Variants in NDRG4 observed in about 807,000 individuals in gnomAD.
NDRG4 encodes NDRG family member 4, also known as protein NDRG4.
NDRG4 carries 38 observed loss-of-function variants against 55.8 expected under a neutral mutation model. The ratio of observed to expected loss-of-function variants is 0.68; its 90% CI spans 0.53 to 0.89. The LOEUF (loss-of-function observed/expected upper bound fraction) is 0.89, where lower values mean the gene tolerates loss of function less well. NDRG4 is among the 40% of genes least tolerant of loss of function. The pLI, the probability that NDRG4 is intolerant of heterozygous loss-of-function variation, is 0.00. For synonymous variants in NDRG4, 190 were observed against 182.7 expected, an observed-to-expected ratio of 1.04 and a Z score of -0.32; for missense variants, 455 against 468.6, an observed-to-expected ratio of 0.97 and a Z score of 0.27.
intron 5 of NDRG4, 128 bp downstream of exon 5, chr16:58,504,777 T>C: frequency 1.1e-6 from 1 of 917,206 alleles, no homozygotes; most frequent in Non-Finnish European, 1.7e-6. Context: ...TCCTCCCACC[T>C]CCTCTTTATG....
Position 58,511,938 on chromosome 16 carries a change from G to A in NDRG4, c.*362G>A. On this transcript the variant is annotated 3_prime_UTR_variant, in exon 15 of 15. Coordinates refer to ENST00000570248, the MANE Select transcript of NDRG4 (RefSeq NM_001242835.2). ...TTGGAGATGAGAGAGGCTTCGAGAG[G>A]GTGGGTGCTGGGCCACAGGGGTGCG... The A allele has an allele frequency of 2.2e-6, 1 of 452,520 alleles. No individual in the cohort carries two copies. The highest frequency in any genetic ancestry group is 4.4e-6 in the Non-Finnish European group (1 of 229,144). 28.0% of individuals were successfully genotyped at this position (452,520 alleles called of 1,614,324 possible).
upstream of NDRG4, chr16:58,500,089 T>C (rs777638467): frequency 1.0e-5 from 15 of 1,506,090 alleles, no homozygotes; most frequent in African/African-American, 2.8e-5. Flanking sequence ...GAGGAGGGGC[T>C]AGCTAGGCTG....
chr16:58,470,164 T>C (rs577713696), intron 1 of NDRG4, among the ~76,000 whole-genome samples: 2 of 152,354 alleles, frequency 1.3e-5, no homozygotes, highest in South Asian at 2.1e-4. Context: ...ATGTGTCTTA[T>C]AAGAAATTCA....
downstream of NDRG4, among the ~76,000 whole-genome samples, chr16:58,514,573 CTAAAAA>C (rs1188546794): frequency 1.3e-5 from 2 of 151,932 alleles, no homozygotes. Flanking sequence ...CCCGACTCTA[CTAAAAA>C]TAAACACAAA....
intron 1 of NDRG4, among the ~76,000 whole-genome samples, chr16:58,475,933 G>C (rs1439183035): frequency 6.6e-6 from 1 of 152,140 alleles, no homozygotes; most frequent in African/African-American, 2.4e-5. Flanking sequence ...AATAGCTGGG[G>C]TTACAGGTGC....
At chr16:58,508,272 C>T (rs2038314158) in intron 10 of NDRG4, among the ~76,000 whole-genome samples, 2 of 152,236 alleles carry the variant, frequency 1.3e-5, no homozygotes, top group African/African-American at 2.4e-5. Flanking sequence ...AGCAGCACAG[C>T]CCCAACTTGG....
intron 1 of NDRG4, among the ~76,000 whole-genome samples, chr16:58,484,132 G>A (rs570468071): frequency 3.3e-5 from 5 of 152,214 alleles, no homozygotes; most frequent in African/African-American, 1.2e-4. Flanking sequence ...CACTTTGGGA[G>A]GCTAAGGCAG....
Position 58,500,214 on chromosome 16 carries a change from C to T in NDRG4, c.-35C>T, listed in dbSNP as rs1417657707. The T allele has an allele frequency of 6.5e-7, 1 of 1,536,136 alleles. No homozygotes were observed. Among genetic ancestry groups the T allele is most frequent in the Non-Finnish European group, 8.7e-7 (1 of 1,146,890 alleles). ...CGAGTGACTCAGGCCTTTGTTTGTC[C>T]TTCCTGGTAGAGGCGGGTTCCCTCC... On this transcript the variant is annotated 5_prime_UTR_variant, in exon 1 of 15. Transcript: ENST00000570248.
At chr16:58,509,927 TACACACACACAG>T (rs1335496967) in intron 13 of NDRG4, among the ~76,000 whole-genome samples, 4 of 149,500 alleles carry the variant, frequency 2.7e-5, no homozygotes, top group South Asian at 2.1e-4. Flanking sequence ...TGGAACCAGG[TACACACACACAG>T]ACACACACAC....
At chr16:58,498,981 A>C (rs1222293736), upstream of NDRG4, among the ~76,000 whole-genome samples, 1 of 152,076 alleles carries the variant, frequency 6.6e-6, no homozygotes, top group African/African-American at 2.4e-5. Context: ...TAATACATAT[A>C]ATCTTCATGG....
At chr16:58,506,344 C>T (rs375981574) in intron 5 of NDRG4, 43 bp from the exon 6 acceptor site, 5 of 1,582,160 alleles carry the variant, frequency 3.2e-6, no homozygotes, top group South Asian at 2.2e-5. Context: ...GCCATCTGCA[C>T]CCATCCTGGC....
At chr16:58,494,657 CTT>C (rs1197192857) in intron 2 of NDRG4, among the ~76,000 whole-genome samples, 1 of 152,046 alleles carries the variant, frequency 6.6e-6, no homozygotes, top group African/African-American at 2.4e-5. Context: ...CCCTTGGTCA[CTT>C]TTGTTAACAT....
intron 8 of NDRG4, chr16:58,507,360 T>C (rs562586239): frequency 7.7e-6 from 3 of 388,282 alleles, no homozygotes; most frequent in Admixed American, 4.0e-5. Context: ...CCTGTGGTTT[T>C]CAAGCTGTGC....
In NDRG4 at chr16:58,510,966, C is replaced by A. The variant is rs544402262; in HGVS notation, c.904+283C>A. ...CCCTCCTTAGAGGTAGAGCCCAGGC[C>A]TGGCCCTGCCTGAGCCACATAGGTG... is the stretch of plus-strand genomic sequence containing the variant. On this transcript the variant is annotated intron_variant, in intron 14 of 14. Coordinates refer to ENST00000570248, the MANE Select transcript of NDRG4 (RefSeq NM_001242835.2). 38 of 551,212 alleles carry A rather than the reference C, an allele frequency of 6.9e-5. 1 individual carries two copies. Among genetic ancestry groups the A allele is most frequent in the Non-Finnish European group, 1.1e-4 (35 of 307,716 alleles). 34.1% of individuals were successfully genotyped at this position (551,212 alleles called of 1,614,324 possible).
intron 1 of NDRG4, 79 bp from the exon 2 acceptor site, chr16:58,503,719 C>G: frequency 6.3e-7 from 1 of 1,591,570 alleles, no homozygotes; most frequent in Non-Finnish European, 8.5e-7. Context: ...TAACAGGTAC[C>G]AGGCTGCGTC....
intron 14 of NDRG4, chr16:58,511,049 TGAATTAGG>T (rs888292319): frequency 2.1e-6 from 1 of 469,252 alleles, no homozygotes; most frequent in Admixed American, 3.5e-5. Flanking sequence ...TGTGAAACTC[TGAATTAGG>T]GAATTAGGGC....
intron 1 of NDRG4, chr16:58,501,344 A>G: frequency 2.9e-6 from 1 of 350,760 alleles, no homozygotes; most frequent in Non-Finnish European, 5.1e-6. Context: ...CCAGTGCTCA[A>G]GGTCACAGGC....
intron 1 of NDRG4, among the ~76,000 whole-genome samples, chr16:58,468,541 C>A (rs1057374088): frequency 6.6e-6 from 1 of 152,024 alleles, no homozygotes; most frequent in African/African-American, 2.4e-5. Flanking sequence ...GTCAACATGG[C>A]GAAACCCCGT....
intron 1 of NDRG4, among the ~76,000 whole-genome samples, chr16:58,469,615 T>A (rs1037096009): frequency 6.6e-6 from 1 of 152,184 alleles, no homozygotes; most frequent in African/African-American, 2.4e-5. Flanking sequence ...CCTAAATGCG[T>A]AACAGTAGAG....
Sources: allele counts gnomAD v4.1 joint callset (sites outside exome capture counted in the v4.1 genomes callset), GRCh38; gene constraint gnomAD v4.1.1; transcripts MANE v1.5; gene names NCBI Gene and HGNC (gene_info 2026-07-23, HGNC 2026-07-21).